GPR35: variants seen among roughly 807,000 people sequenced by gnomAD.
GPR35 encodes G protein-coupled receptor 35, also known as KYNA receptor.
For synonymous variants in GPR35, 207 were observed against 198.4 expected, an observed-to-expected ratio of 1.04 and a Z score of -0.36; for missense variants, 372 against 422.5, an observed-to-expected ratio of 0.88 and a Z score of 1.05.
rs375159727 is a variant in GPR35 at position 240,630,326 on chromosome 2, G to A, written c.374G>A (p.Arg125His). ...GCCGTGCGGCACCCGCTGCGTGCCC[G>A]CGGGCTGCGGTCCCCCAGGCAGGCT... is the stretch of plus-strand genomic sequence containing the variant. ...YVAVRHPLRA[R>H]GLRSPRQAAA... Residue 125 changes from arginine (R) to histidine (H), a missense_variant, in exon 2 of 2, where the codon CGC becomes CAC. Coordinates refer to ENST00000407714, the MANE Select transcript of GPR35 (RefSeq NM_005301.5). The A allele has an allele frequency of 2.0e-4, 312 of 1,593,130 alleles. No individual in the cohort carries two copies. Among genetic ancestry groups the A allele is most frequent in the South Asian group, 2.1e-4 (19 of 90,378 alleles).
At chr2:240,623,759 G>T (rs1229862430), upstream of GPR35, among the ~76,000 whole-genome samples, 2 of 152,120 alleles carry the variant, frequency 1.3e-5, no homozygotes, top group African/African-American at 4.8e-5. Context: ...TGGTGGCAAG[G>T]GGCCCTTCCC....
At chr2:240,611,168 A>G (rs929604806) in intron 2 of GPR35, among the ~76,000 whole-genome samples, 2 of 151,184 alleles carry the variant, frequency 1.3e-5, no homozygotes, top group African/African-American at 4.9e-5. Context: ...GGATTTCCCT[A>G]TGTTGGTTAG....
At chr2:240,616,470 C>G in exon 3 of GPR35, 1 of 780,854 alleles carries the variant, frequency 1.3e-6, no homozygotes, top group Non-Finnish European at 2.4e-6. Flanking sequence ...CTGCCAATCT[C>G]CTGTCGACTG....
At chr2:240,628,244 C>A (rs146852356) in intron 1 of GPR35, 121 of 152,314 alleles carry the variant, frequency 7.9e-4, no homozygotes, top group African/African-American at 2.8e-3. Context: ...AAGGGAAGAT[C>A]CCAGCGATTG....
chr2:240,630,225 C>T lies in GPR35; in HGVS notation c.273C>T (p.Leu91=), dbSNP rs138318280. Residue 91 remains leucine (L), a synonymous_variant, in exon 2 of 2, where the codon CTC becomes CTT. Coordinates refer to ENST00000407714, the MANE Select transcript of GPR35 (RefSeq NM_005301.5). ...RDTSDTPLCQ[L]SQGIYLTNRY... ...CCTCAGACACGCCGCTGTGCCAGCT[C>T]TCCCAGGGCATCTACCTGACCAACA... is the stretch of plus-strand genomic sequence containing the variant. 6.4e-7 allele frequency: 1 copy of T among 1,568,146 alleles called. No individual in the cohort carries two copies. Among genetic ancestry groups the T allele is most frequent in the African/African-American group, 1.3e-5 (1 of 74,588 alleles).
intron 2 of GPR35, among the ~76,000 whole-genome samples, chr2:240,610,801 A>G (rs1318722780): frequency 1.0e-4 from 14 of 137,120 alleles, no homozygotes; most frequent in African/African-American, 3.0e-4. Flanking sequence ...CGCCCGGCTA[A>G]TTTTTTTTTT....
In GPR35 at chr2:240,630,711, G is replaced by A. The variant is rs147827675; in HGVS notation, c.759G>A (p.Thr253=). 14 of 1,613,376 alleles carry A rather than the reference G, an allele frequency of 8.7e-6. No homozygotes were observed. Among genetic ancestry groups the A allele is most frequent in the East Asian group, 6.7e-5 (3 of 44,890 alleles). The change falls in exon 2 of 2, where the codon ACG becomes ACA. Residue 253 remains threonine, a synonymous_variant. Transcript: ENST00000407714. ...GGAACGCCTGTGCCCTCCTGGAGAC[G>A]ATCCGTCGCGCCCTGTACATAACCA... ...VGWNACALLE[T]IRRALYITSK...
chr2:240,623,329 C>T (rs35668278), upstream of GPR35, among the ~76,000 whole-genome samples: 30,089 of 100,494 alleles, frequency 0.3, 4,643 homozygotes, highest in Middle Eastern at 0.46. Context: ...GTCGTGAGGG[C>T]GCAAACAGGT....
At chr2:240,612,492 C>T (rs891058550) in intron 2 of GPR35, among the ~76,000 whole-genome samples, 9 of 149,466 alleles carry the variant, frequency 6.0e-5, no homozygotes, top group African/African-American at 1.5e-4. Flanking sequence ...CTGGTGGGTG[C>T]GTGGAGGTGC....
upstream of GPR35, among the ~76,000 whole-genome samples, chr2:240,623,119 C>T (rs1325162188): frequency 5.9e-5 from 9 of 152,218 alleles, 1 homozygote; most frequent in Admixed American, 3.3e-4. Flanking sequence ...CTCGCAGCCC[C>T]GCGGCCGGAG....
At chr2:240,622,560 T>A (rs2043307557), upstream of GPR35, among the ~76,000 whole-genome samples, 1 of 152,212 alleles carries the variant, frequency 6.6e-6, no homozygotes, top group Non-Finnish European at 1.5e-5. Context: ...AATCTCATAA[T>A]GTTTTAAGAA....
chr2:240,617,303 G>C (rs954029081), exon 4 of GPR35: 3 of 710,822 alleles, frequency 4.2e-6, no homozygotes, highest in Middle Eastern at 7.4e-4. Flanking sequence ...GAAAGACCCT[G>C]AGCAGAGGAC....
exon 2 of GPR35, chr2:240,606,576 C>T (rs1014282499): frequency 6.6e-6 from 1 of 152,306 alleles, no homozygotes. Flanking sequence ...GCCCCCATGG[C>T]ATGCATGATC....
upstream of GPR35, among the ~76,000 whole-genome samples, chr2:240,624,767 C>T (rs551758685): frequency 1.5e-3 from 230 of 152,280 alleles, no homozygotes; most frequent in Non-Finnish European, 2.4e-3. Context: ...CCTGGGCCTA[C>T]GGGCTCCCCC....
rs767258727 is a variant in GPR35 at position 240,630,160 on chromosome 2, C to T, written c.208C>T (p.Leu70=). Reference sequence around the variant, plus strand: ...CCTGGCGGTGGCCGACCTCTGCCTGCTGTGCACCTTGCCCTTCGTGCTGCA... The same window carrying T: ...CCTGGCGGTGGCCGACCTCTGCCTGTTGTGCACCTTGCCCTTCGTGCTGCA... The part of the protein sequence containing the change: ...TNLAVADLCL[L]CTLPFVLHSL... Residue 70 remains leucine, a synonymous_variant, in exon 2 of 2, where the codon CTG becomes TTG. Transcript: ENST00000407714. 1.8e-5 allele frequency: 28 copies of T among 1,596,914 alleles called. No individual in the cohort carries two copies. The South Asian group carries it at 2.9e-4, about 16-fold the overall frequency.
At chr2:240,625,800 G>GT (rs1326943212) in intron 1 of GPR35, among the ~76,000 whole-genome samples, 1 of 132,442 alleles carries the variant, frequency 7.6e-6, no homozygotes, top group East Asian at 2.6e-4. Flanking sequence ...GCTGTGATGG[G>GT]GTCTCAGAGT....
At chr2:240,616,482 G>A (rs1234518432) in exon 3 of GPR35, 18 of 780,570 alleles carry the variant, frequency 2.3e-5, no homozygotes, top group Admixed American at 6.8e-5. Flanking sequence ...TGTCGACTGC[G>A]AGTCAGCTCC....
rs1350828365 is a variant in GPR35, at chr2:240,632,426, TC to T, written c.*1547del. Among the ~76,000 whole-genome samples the T allele has an allele frequency of 6.8e-6, 1 of 147,936 alleles. No individual in the cohort carries two copies. Among genetic ancestry groups the T allele is most frequent in the Admixed American group, 6.7e-5 (1 of 14,894 alleles). ...CTAGGAGGGTTCATGCCCAGGAGTG[TC>T]CCTGCCTAGGAAGATCCATTACCAG... On this transcript the variant is annotated 3_prime_UTR_variant, in exon 2 of 2. Coordinates refer to ENST00000407714, the MANE Select transcript of GPR35 (RefSeq NM_005301.5).
upstream of GPR35, among the ~76,000 whole-genome samples, chr2:240,623,863 G>T (rs570594217): frequency 4.6e-5 from 7 of 152,328 alleles, no homozygotes; most frequent in African/African-American, 1.7e-4. Context: ...GCCCAGTGGG[G>T]CTTCCCTTCC....
Sources: gnomAD v4.1 joint callset for allele counts (sites outside exome capture counted in the v4.1 genomes callset) on GRCh38, gnomAD v4.1.1 for gene constraint, MANE v1.5 for transcripts, NCBI Gene and HGNC (gene_info 2026-07-23, HGNC 2026-07-21) for gene names.